The following PLEKHH2 variants were observed in gnomAD, a reference collection of about 807,000 sequenced individuals.
The protein encoded by PLEKHH2 is pleckstrin homology, MyTH4 and FERM domain containing H2.
Under a neutral mutation model 187.9 loss-of-function variants are expected in PLEKHH2, and 129 were observed. The ratio of observed to expected loss-of-function variants is 0.69; its 90% CI spans 0.59 to 0.79. The LOEUF is 0.79. Among genes scored for constraint, PLEKHH2 ranks in the 30% least tolerant of loss-of-function variants. The pLI, the probability that PLEKHH2 is intolerant of heterozygous loss-of-function variation, is 0.00. For synonymous variants in PLEKHH2, 686 were observed against 605.6 expected (o/e 1.13, Z -1.95); for missense variants, 2,076 against 1,751.2 (o/e 1.19, Z -3.31).
intron 2 of PLEKHH2, among the ~76,000 whole-genome samples, chr2:43,655,455 A>G (rs1438366876): frequency 6.6e-6 from 1 of 152,130 alleles, no homozygotes; most frequent in Non-Finnish European, 1.5e-5. Flanking sequence ...GAAACTAGGC[A>G]TTTTCTGGAA....
At chr2:43,677,180 C>G (rs1245218699) in intron 2 of PLEKHH2, among the ~76,000 whole-genome samples, 1 of 151,680 alleles carries the variant, frequency 6.6e-6, no homozygotes, top group East Asian at 1.9e-4. Flanking sequence ...TTTAAAATAT[C>G]CAAACTGATG....
rs1672677723 is a variant in PLEKHH2, at chr2:43,767,965, TA to T, written c.*2369del. 1 of 152,756 alleles carries T rather than the reference TA, an allele frequency of 6.5e-6. No individual in the cohort carries two copies. Among genetic ancestry groups the T allele is most frequent in the Non-Finnish European group, 1.5e-5 (1 of 68,034 alleles). 9.5% of individuals were successfully genotyped at this position (152,756 alleles called of 1,614,324 possible). ...CTATCATTTTCTTCCCTTTCAGTCA[TA>T]ATAAATGATTTACAAAACCCATTTT... On this transcript the variant is annotated 3_prime_UTR_variant, in exon 30 of 30. Coordinates refer to ENST00000282406, the MANE Select transcript of PLEKHH2 (RefSeq NM_172069.4).
At chr2:43,681,421 A>T (rs567384612) in intron 3 of PLEKHH2, 1 of 1,548,892 alleles carries the variant, frequency 6.5e-7, no homozygotes, top group East Asian at 2.4e-5. Context: ...TGTTTTATTA[A>T]TTGAATGAGT....
At chr2:43,682,390 T>C (rs1282982271) in intron 3 of PLEKHH2, among the ~76,000 whole-genome samples, 1 of 152,138 alleles carries the variant, frequency 6.6e-6, no homozygotes, top group East Asian at 1.9e-4. Context: ...CACTGCCACC[T>C]CCACCTCCTG....
At chr2:43,644,864 T>C in intron 2 of PLEKHH2, 68 bp downstream of exon 2, 2 of 1,435,704 alleles carry the variant, frequency 1.4e-6, no homozygotes, top group Non-Finnish European at 1.9e-6. Context: ...TTATATTAAA[T>C]AATCTCAGTA....
At chr2:43,726,065 G>T (rs1670726121) in intron 16 of PLEKHH2, among the ~76,000 whole-genome samples, 1 of 149,558 alleles carries the variant, frequency 6.7e-6, no homozygotes, top group South Asian at 2.1e-4. Context: ...TTACAGTGAG[G>T]TTACTGATTG....
chr2:43,678,078 C>A (rs1459682823), intron 2 of PLEKHH2, among the ~76,000 whole-genome samples: 2 of 144,058 alleles, frequency 1.4e-5, no homozygotes, highest in Non-Finnish European at 3.1e-5. Flanking sequence ...GACGGGGTCG[C>A]GGCCGGGCAG....
intron 1 of PLEKHH2, among the ~76,000 whole-genome samples, chr2:43,641,430 C>A (rs934415914): frequency 2.0e-5 from 3 of 152,134 alleles, no homozygotes; most frequent in East Asian, 3.9e-4. Context: ...ACAGGCAGCC[C>A]AGGATGGCTT....
intron 3 of PLEKHH2, 31 bp from the exon 4 acceptor site, chr2:43,692,483 A>T (rs1668848164): frequency 6.6e-7 from 1 of 1,516,662 alleles, no homozygotes; most frequent in African/African-American, 1.4e-5. Flanking sequence ...GAGTACACAC[A>T]CAATTTTAAT....
intron 2 of PLEKHH2, among the ~76,000 whole-genome samples, chr2:43,677,583 C>T (rs995345003): frequency 3.3e-5 from 5 of 151,722 alleles, no homozygotes; most frequent in South Asian, 2.1e-4. Context: ...AATGAAAAGT[C>T]TCCCATGTCT....
intron 2 of PLEKHH2, among the ~76,000 whole-genome samples, chr2:43,655,016 G>C (rs1169100056): frequency 6.6e-6 from 1 of 151,920 alleles, no homozygotes; most frequent in Non-Finnish European, 1.5e-5. Context: ...GAGCAACAGA[G>C]TGAGACTCCA....
Position 43,726,420 on chromosome 2 carries a change from C to G in PLEKHH2, c.2690C>G (p.Thr897Ser), listed in dbSNP as rs1670748039. ...ATCCATCCCAAAGACCAAGGTCCAA[C>G]TTACCTCCTAATTGGATCCAAGCAT... is the stretch of plus-strand genomic sequence containing the variant. ...IVIHPKDQGPTYLLIGSKHEK... is the reference protein window; with the variant it reads ...IVIHPKDQGPSYLLIGSKHEK... Residue 897 changes from threonine (T) to serine (S), a missense_variant, in exon 17 of 30, where the codon ACT becomes AGT. Coordinates refer to ENST00000282406, the MANE Select transcript of PLEKHH2 (RefSeq NM_172069.4). 6.2e-7 allele frequency: 1 copy of G among 1,611,206 alleles called. No individual in the cohort carries two copies.
intron 2 of PLEKHH2, among the ~76,000 whole-genome samples, chr2:43,670,198 T>C (rs1356408533): frequency 2.0e-5 from 3 of 152,202 alleles, no homozygotes; most frequent in South Asian, 2.1e-4. Flanking sequence ...CTTACACTGA[T>C]AGTAATGCTT....
intron 15 of PLEKHH2, among the ~76,000 whole-genome samples, chr2:43,718,863 C>T (rs1366002018): frequency 6.6e-6 from 1 of 152,112 alleles, no homozygotes; most frequent in Admixed American, 6.6e-5. Context: ...TCAAATGAGA[C>T]ATTTTTTGTT....
intron 5 of PLEKHH2, among the ~76,000 whole-genome samples, 160 bp from the exon 6 acceptor site, chr2:43,694,983 C>G (rs1163506543): frequency 5.3e-5 from 8 of 151,948 alleles, no homozygotes; most frequent in African/African-American, 1.9e-4. Flanking sequence ...GGTCGATAGC[C>G]TATTCTGATA....
At chr2:43,762,542 A>T (rs1017250540) in intron 28 of PLEKHH2, 152 bp downstream of exon 28, 13 of 569,908 alleles carry the variant, frequency 2.3e-5, no homozygotes, top group African/African-American at 1.9e-4. Context: ...TTTTACAAAT[A>T]CAGCTATGAT....
rs1040059757 is a variant in PLEKHH2, at chr2:43,767,628, C to G, written c.*2030C>G. 2.6e-5 allele frequency: 4 copies of G among 152,776 alleles called. No individual in the cohort carries two copies. The highest frequency in any genetic ancestry group is 9.6e-5 in the African/African-American group (4 of 41,554). 9.5% of individuals were successfully genotyped at this position (152,776 alleles called of 1,614,324 possible). A position where few individuals can be genotyped will look rare whatever the true frequency, so the allele number is the denominator to read the frequency against. On this transcript the variant is annotated 3_prime_UTR_variant, in exon 30 of 30. Coordinates refer to ENST00000282406, the MANE Select transcript of PLEKHH2 (RefSeq NM_172069.4). The stretch of plus-strand genomic sequence containing the variant: ...TTGGTGAGCCAGAGGCTTGACAGAG[C>G]TGTTACTTATGTGTGAGGGCTTTAT...
intron 3 of PLEKHH2, among the ~76,000 whole-genome samples, chr2:43,690,128 C>T (rs747480216): frequency 2.6e-5 from 4 of 152,182 alleles, no homozygotes; most frequent in Non-Finnish European, 5.9e-5. Flanking sequence ...TACAGAATGT[C>T]GTATGTGGAA....
chr2:43,711,266 T>C lies in PLEKHH2; in HGVS notation c.2301+691T>C, dbSNP rs140296423. The C allele has an allele frequency of 4.6e-3, 4,485 of 985,446 alleles. 11 individuals are homozygous for C. The highest frequency in any genetic ancestry group is 5.0e-3 in the Non-Finnish European group (4,189 of 829,910). 61.0% of individuals were successfully genotyped at this position (985,446 alleles called of 1,614,324 possible). On this transcript the variant is annotated intron_variant, in intron 14 of 29. Coordinates refer to ENST00000282406, the MANE Select transcript of PLEKHH2 (RefSeq NM_172069.4). ...GGACAACTTTGCCAGAAAGGTACATTATCAATGTTTCCAGTGATTTGTACC... is the reference window on the plus strand; with the variant it reads ...GGACAACTTTGCCAGAAAGGTACATCATCAATGTTTCCAGTGATTTGTACC...
Sources: gnomAD v4.1 joint callset for allele counts (sites outside exome capture counted in the v4.1 genomes callset) on GRCh38, gnomAD v4.1.1 for gene constraint, MANE v1.5 for transcripts, NCBI Gene and HGNC (gene_info 2026-07-23, HGNC 2026-07-21) for gene names.